AEBP2: variants seen among roughly 807,000 people sequenced by gnomAD.
AEBP2 encodes the protein zinc finger protein AEBP2.
In AEBP2, 10 loss-of-function variants were observed where a neutral mutation model predicts 50.8. The observed-to-expected ratio is 0.20, with a 90% CI of 0.12 to 0.33. AEBP2 has a LOEUF of 0.33. Ranked by LOEUF, AEBP2 falls within the 10% of genes least tolerant of loss-of-function variation. AEBP2 has a pLI of 1.00. For missense variants in AEBP2, 570 were observed against 688.0 expected (o/e 0.83, Z 1.92); for synonymous variants, 296 against 261.3 (o/e 1.13, Z -1.28).
chr12:19,447,657 A>G (rs1270403910), intron 1 of AEBP2, among the ~76,000 whole-genome samples: 1 of 147,224 alleles, frequency 6.8e-6, no homozygotes, highest in Non-Finnish European at 1.5e-5. Context: ...TGACATGCAA[A>G]GGGGTTACGT....
intron 2 of AEBP2, among the ~76,000 whole-genome samples, chr12:19,472,342 G>A (rs1948585449): frequency 6.6e-6 from 1 of 152,172 alleles, no homozygotes; most frequent in African/African-American, 2.4e-5. Flanking sequence ...GATAATGATT[G>A]TGGTAGACCC....
intron 1 of AEBP2, among the ~76,000 whole-genome samples, chr12:19,430,567 A>C (rs1334588515): frequency 6.6e-6 from 1 of 152,070 alleles, no homozygotes; most frequent in African/African-American, 2.4e-5. Context: ...TACCTAGGGG[A>C]GTATGGCCAA....
chr12:19,457,064 C>A, intron 1 of AEBP2: 1 of 1,607,408 alleles, frequency 6.2e-7, no homozygotes, highest in East Asian at 2.2e-5. Context: ...GAAATTGGCA[C>A]AAATGCTTCT....
chr12:19,428,158 C>T (rs536362428), intron 1 of AEBP2, among the ~76,000 whole-genome samples: 23 of 152,074 alleles, frequency 1.5e-4, no homozygotes, highest in African/African-American at 5.5e-4. Context: ...TCACCTGGGT[C>T]CTGGGAGGTC....
chr12:19,505,527 A>G (rs1383095017), intron 5 of AEBP2, among the ~76,000 whole-genome samples: 4 of 152,360 alleles, frequency 2.6e-5, no homozygotes, highest in East Asian at 1.9e-4. Context: ...AAGCCATTCA[A>G]TTATTAGTGG....
chr12:19,428,430 G>A (rs960464282), intron 1 of AEBP2, among the ~76,000 whole-genome samples: 21 of 152,208 alleles, frequency 1.4e-4, no homozygotes, highest in Non-Finnish European at 2.6e-4. Flanking sequence ...CATCATGTCT[G>A]TGTCCCAGCC....
Position 19,468,125 on chromosome 12 carries a change from T to TG in AEBP2, c.880-5123_880-5122insG, listed in dbSNP as rs1565717865. 8.4e-4 allele frequency among the ~76,000 whole-genome samples: 106 copies of TG among 126,658 alleles called. 1 individual carries two copies. Among genetic ancestry groups the TG allele is most frequent in the Non-Finnish European group, 4.4e-4 (28 of 64,312 alleles). 83.1% of individuals were successfully genotyped at this position (126,658 alleles called of 152,430 possible). Reference sequence around the variant, plus strand: ...CATCCATCCAACCCCTCTGCCTGACTTTGTGTGTGTGTGTGTGTGTGTGTG... The same window carrying TG: ...CATCCATCCAACCCCTCTGCCTGACTGTTGTGTGTGTGTGTGTGTGTGTGTG... On this transcript the variant is annotated intron_variant, in intron 2 of 7. Coordinates refer to ENST00000266508, the MANE Select transcript of AEBP2 (RefSeq NM_153207.5).
At chr12:19,451,229 G>A (rs1220075558) in intron 1 of AEBP2, among the ~76,000 whole-genome samples, 1 of 152,128 alleles carries the variant, frequency 6.6e-6, no homozygotes, top group African/African-American at 2.4e-5. Flanking sequence ...TGCAGGGTCA[G>A]CTCATTTCTG....
At chr12:19,420,992 ATCT>A (rs758676459) in intron 1 of AEBP2, among the ~76,000 whole-genome samples, 16 of 152,120 alleles carry the variant, frequency 1.1e-4, no homozygotes, top group Non-Finnish European at 2.1e-4. Flanking sequence ...GATTCAGAAA[ATCT>A]TCTCAGTTTC....
intron 1 of AEBP2, chr12:19,456,862 C>A: frequency 3.3e-6 from 5 of 1,520,800 alleles, no homozygotes; most frequent in South Asian, 2.3e-5. Context: ...GTACCAATAC[C>A]ACCAATTTTT....
In AEBP2 at chr12:19,520,013, C is replaced by T. The variant is rs1186921955; in HGVS notation, c.*1896C>T. ...TTTTGCTTAAGCACTTCATCAATTG[C>T]TTTATTCTGTATCTGCGAAGTAATC... is the stretch of plus-strand genomic sequence containing the variant. On this transcript the variant is annotated 3_prime_UTR_variant, in exon 8 of 8. Transcript: ENST00000266508. 1.4e-4 allele frequency: 22 copies of T among 152,512 alleles called. No individual in the cohort carries two copies. The highest frequency in any genetic ancestry group is 1.4e-3 in the Admixed American group (21 of 15,266). The allele number at this position is 152,512 out of a possible 1,614,324, so 9.4% of individuals were successfully genotyped here.
intron 7 of AEBP2, among the ~76,000 whole-genome samples, chr12:19,517,153 A>AGT (rs1208577831): frequency 6.6e-6 from 1 of 152,224 alleles, no homozygotes; most frequent in Non-Finnish European, 1.5e-5. Context: ...CATTTGTCCT[A>AGT]GTGTACAATC....
At chr12:19,494,957 A>G (rs1948949695) in intron 4 of AEBP2, among the ~76,000 whole-genome samples, 1 of 151,898 alleles carries the variant, frequency 6.6e-6, no homozygotes, top group South Asian at 2.1e-4. Context: ...CCCAGGCTGG[A>G]GCGCAGTGGT....
Position 19,413,400 on chromosome 12 carries a change from A to T in AEBP2, c.-17+9184A>T, listed in dbSNP as rs542959449. The T allele has an allele frequency of 2.9e-6, 3 of 1,044,326 alleles. No individual in the cohort carries two copies. In the East Asian group the frequency reaches 7.1e-5, roughly 25 times the overall value. The allele number at this position is 1,044,326 out of a possible 1,614,324, so 64.7% of individuals were successfully genotyped here. A position where few individuals can be genotyped will look rare whatever the true frequency, so the allele number is the denominator to read the frequency against. On this transcript the variant is annotated intron_variant, in intron 1 of 3. Transcript: ENST00000538425. ...AAGTAAGCCAACAAACAGAAAAGAC[A>T]ACAACAGTGAAATTCAACAGAAGAA...
At chr12:19,443,394 G>A (rs1048595635) in intron 1 of AEBP2, among the ~76,000 whole-genome samples, 2 of 151,570 alleles carry the variant, frequency 1.3e-5, no homozygotes, top group African/African-American at 4.8e-5. Context: ...GCCACCGCAG[G>A]CCATGTTAAA....
At chr12:19,459,453 G>A (rs1411319733) in intron 1 of AEBP2, among the ~76,000 whole-genome samples, 2 of 152,030 alleles carry the variant, frequency 1.3e-5, no homozygotes, top group Non-Finnish European at 2.9e-5. Context: ...GGCTGGTCTC[G>A]ATCTCCTGAC....
intron 1 of AEBP2, among the ~76,000 whole-genome samples, chr12:19,461,596 G>A (rs903491134): frequency 1.3e-5 from 2 of 151,826 alleles, no homozygotes. Flanking sequence ...TCCAACCTCC[G>A]CCTCCTGGGT....
upstream of AEBP2, among the ~76,000 whole-genome samples, chr12:19,436,499 G>GT (rs1207318801): frequency 2.0e-5 from 3 of 151,942 alleles, no homozygotes; most frequent in Non-Finnish European, 4.4e-5. Context: ...TCTTTCTTGT[G>GT]TGAGGTCCAA....
In AEBP2 at chr12:19,462,506, G is replaced by A. The variant is rs1334857065; in HGVS notation, c.672-4G>A. On this transcript the variant is annotated splice_polypyrimidine_tract_variant and splice_region_variant and intron_variant, in intron 1 of 7. Coordinates refer to ENST00000266508, the MANE Select transcript of AEBP2 (RefSeq NM_153207.5). ...ATAACACAGCCTTTTTTCTTCTTTT[G>A]TAGCATAAGCAGTACTATAATGGAT... 1.9e-6 allele frequency: 3 copies of A among 1,596,994 alleles called. No homozygotes were observed. The highest frequency in any genetic ancestry group is 1.7e-4 in the Middle Eastern group (1 of 6,004).
Sources: allele counts gnomAD v4.1 joint callset (sites outside exome capture counted in the v4.1 genomes callset), GRCh38; gene constraint gnomAD v4.1.1; transcripts MANE v1.5; gene names NCBI Gene and HGNC (gene_info 2026-07-23, HGNC 2026-07-21).